Variants in MARCHF4 observed in about 807,000 individuals in gnomAD.
MARCHF4 encodes the protein E3 ubiquitin-protein ligase MARCHF4.
A neutral mutation model predicts 43.9 loss-of-function variants in MARCHF4; 14 were observed. The observed-to-expected ratio is 0.32, with a 90% CI of 0.21 to 0.50. MARCHF4 has a LOEUF of 0.50. Among genes scored for constraint, MARCHF4 ranks in the 20% least tolerant of loss-of-function variants. MARCHF4 has a pLI of 0.98. For synonymous variants in MARCHF4, 226 were observed against 213.3 expected (o/e 1.06, Z -0.52); for missense variants, 468 against 536.7 (o/e 0.87, Z 1.27).
At chr2:216,353,165 C>T (rs145277831) in intron 1 of MARCHF4, among the ~76,000 whole-genome samples, 51 of 152,148 alleles carry the variant, frequency 3.4e-4, no homozygotes, top group African/African-American at 1.2e-3. Flanking sequence ...AAAATTGAGG[C>T]GATGTTCAAA....
intron 1 of MARCHF4, among the ~76,000 whole-genome samples, chr2:216,311,944 AT>A (rs1691693580): frequency 6.6e-6 from 1 of 152,168 alleles, no homozygotes; most frequent in African/African-American, 2.4e-5. Context: ...TATAAGGTTG[AT>A]TTGTTTTTAG....
intron 1 of MARCHF4, among the ~76,000 whole-genome samples, chr2:216,286,016 C>G (rs796469095): frequency 2.6e-5 from 4 of 152,234 alleles, no homozygotes; most frequent in Admixed American, 2.6e-4. Context: ...TAACAAGACC[C>G]GGGCTCTGGT....
At chr2:216,279,188 C>A (rs114657483) in intron 2 of MARCHF4, among the ~76,000 whole-genome samples, 1 of 152,120 alleles carries the variant, frequency 6.6e-6, no homozygotes, top group African/African-American at 2.4e-5. Context: ...TAAGCGGTTA[C>A]TAGGCAAAGA....
intron 1 of MARCHF4, among the ~76,000 whole-genome samples, chr2:216,301,443 C>T (rs573147822): frequency 3.9e-5 from 6 of 152,186 alleles, no homozygotes; most frequent in Non-Finnish European, 8.8e-5. Flanking sequence ...TGTCAATCTT[C>T]GACTTCAGAG....
chr2:216,367,854 A>C (rs1485564716), intron 1 of MARCHF4, among the ~76,000 whole-genome samples: 1 of 152,206 alleles, frequency 6.6e-6, no homozygotes, highest in Admixed American at 6.5e-5. Context: ...TCTGTTATCA[A>C]AATACATGCT....
chr2:216,285,127 T>A (rs988504803), intron 1 of MARCHF4, among the ~76,000 whole-genome samples: 9 of 152,178 alleles, frequency 5.9e-5, no homozygotes, highest in African/African-American at 9.7e-5. Context: ...TAAGTTTTCA[T>A]GTTTGAATAA....
chr2:216,328,555 G>A (rs1455508029), intron 1 of MARCHF4, among the ~76,000 whole-genome samples: 1 of 152,180 alleles, frequency 6.6e-6, no homozygotes, highest in Non-Finnish European at 1.5e-5. Flanking sequence ...CCCTCCAGGG[G>A]CCGTTAGAGC....
At chr2:216,330,841 C>A (rs1211579345) in intron 1 of MARCHF4, among the ~76,000 whole-genome samples, 1 of 151,954 alleles carries the variant, frequency 6.6e-6, no homozygotes, top group Non-Finnish European at 1.5e-5. Context: ...GCAATTAAAG[C>A]TTTACTTATA....
chr2:216,333,177 C>G (rs1692106756), intron 1 of MARCHF4, among the ~76,000 whole-genome samples: 1 of 152,120 alleles, frequency 6.6e-6, no homozygotes, highest in Non-Finnish European at 1.5e-5. Flanking sequence ...ATTAGCTCAG[C>G]CAAAGATTTA....
intron 1 of MARCHF4, among the ~76,000 whole-genome samples, chr2:216,299,248 G>A (rs929260599): frequency 6.6e-6 from 1 of 152,166 alleles, no homozygotes; most frequent in Non-Finnish European, 1.5e-5. Context: ...CCATGAAAGA[G>A]AACCAGGGGG....
At chr2:216,281,647 C>T (rs1480564677) in intron 2 of MARCHF4, among the ~76,000 whole-genome samples, 8 of 152,196 alleles carry the variant, frequency 5.3e-5, no homozygotes, top group Admixed American at 5.2e-4. Context: ...TGGACCACAA[C>T]CACACAAAAT....
Position 216,277,658 on chromosome 2 carries a change from AC to A in MARCHF4, c.865+13del. Reference sequence around the variant, plus strand: ...GGTTCCCCACTTCCCATGGAGACAAACCCCCAGACCCACCTATGCACACCAC... The same window carrying A: ...GGTTCCCCACTTCCCATGGAGACAAACCCCAGACCCACCTATGCACACCAC... On this transcript the variant is annotated intron_variant, in intron 3 of 3. Transcript: ENST00000273067. 2 of 1,577,226 alleles carry A rather than the reference AC, an allele frequency of 1.3e-6. No homozygotes were observed. The highest frequency in any genetic ancestry group is 1.1e-5 in the South Asian group (1 of 87,592).
intron 1 of MARCHF4, among the ~76,000 whole-genome samples, chr2:216,317,321 G>C (rs535310516): frequency 1.3e-5 from 2 of 152,334 alleles, no homozygotes; most frequent in African/African-American, 4.8e-5. Flanking sequence ...GCAGCAGGAA[G>C]GTTGGGCTCT....
Position 216,370,312 on chromosome 2 carries a change from G to A in MARCHF4, c.-52C>T. 6.6e-7 allele frequency: 1 copy of A among 1,510,382 alleles called. No individual in the cohort carries two copies. Among genetic ancestry groups the A allele is most frequent in the Non-Finnish European group, 8.9e-7 (1 of 1,126,770 alleles). 93.6% of individuals were successfully genotyped at this position (1,510,382 alleles called of 1,614,324 possible). ...GAGGGGTGGCTGGAGTCTTAAAAGA[G>A]GGGGACAGGACAGGTTTTGGGGGTC... On this transcript the variant is annotated 5_prime_UTR_variant, in exon 1 of 4. Transcript: ENST00000273067.
At chr2:216,340,199 T>C (rs1215334900) in intron 1 of MARCHF4, among the ~76,000 whole-genome samples, 1 of 152,170 alleles carries the variant, frequency 6.6e-6, no homozygotes, top group East Asian at 1.9e-4. Flanking sequence ...GCCAGATTCC[T>C]TTTACAGCCT....
chr2:216,354,941 T>TTCTTTCTTTCTTTCTTTC lies in MARCHF4; in HGVS notation c.516+14786_516+14803dup. Among the ~76,000 whole-genome samples, 2 of 141,356 alleles carry TTCTTTCTTTCTTTCTTTC rather than the reference T, an allele frequency of 1.4e-5. 1 individual carries two copies. The highest frequency in any genetic ancestry group is 5.4e-5 in the African/African-American group (2 of 36,902). The allele number at this position is 141,356 out of a possible 152,430, so 92.7% of individuals were successfully genotyped here. A position where few individuals can be genotyped will look rare whatever the true frequency, so the allele number is the denominator to read the frequency against. On this transcript the variant is annotated intron_variant, in intron 1 of 3. Transcript: ENST00000273067. ...TTTCTTTCTTTCTTTCTTTCTTTCT[T>TTCTTTCTTTCTTTCTTTC]TCTTTCTTTCTTTCTTTCTTTCTTT...
At chr2:216,345,250 C>A (rs1692300982) in intron 1 of MARCHF4, among the ~76,000 whole-genome samples, 1 of 152,004 alleles carries the variant, frequency 6.6e-6, no homozygotes, top group African/African-American at 2.4e-5. Context: ...AAGCACGGCC[C>A]CTTCTTCTCC....
Position 216,332,035 on chromosome 2 carries a change from G to A in MARCHF4, c.516+37710C>T, listed in dbSNP as rs145055598. Reference sequence around the variant, plus strand: ...AATTGGAAAGAAAAGAATAAAATTTGCATTATTTGTAGTCAGTACATTATA... The same window carrying A: ...AATTGGAAAGAAAAGAATAAAATTTACATTATTTGTAGTCAGTACATTATA... On this transcript the variant is annotated intron_variant, in intron 1 of 3. Transcript: ENST00000273067. 2.1e-3 allele frequency among the ~76,000 whole-genome samples: 313 copies of A among 152,210 alleles called. 4 individuals carry two copies. The highest frequency in any genetic ancestry group is 4.7e-4 in the Non-Finnish European group (32 of 67,998).
chr2:216,323,198 A>G (rs987572192), intron 1 of MARCHF4, among the ~76,000 whole-genome samples: 1 of 152,088 alleles, frequency 6.6e-6, no homozygotes, highest in Non-Finnish European at 1.5e-5. Context: ...ATAGTAATTA[A>G]TTTTCTCCTT....
Sources: gnomAD v4.1 joint callset for allele counts (sites outside exome capture counted in the v4.1 genomes callset) on GRCh38, gnomAD v4.1.1 for gene constraint, MANE v1.5 for transcripts, NCBI Gene and HGNC (gene_info 2026-07-23, HGNC 2026-07-21) for gene names.